GPM6B: variants seen among roughly 807,000 people sequenced by gnomAD.
GPM6B encodes glycoprotein M6B.
In GPM6B, 4 loss-of-function variants were observed where a neutral mutation model predicts 27.2. The ratio of observed to expected loss-of-function variants is 0.15; its 90% confidence interval spans 0.07 to 0.34. The LOEUF is 0.34. Among genes scored for constraint, GPM6B ranks in the 10% least tolerant of loss-of-function variants. The probability of loss-of-function intolerance (pLI) is 1.00; values close to 1 mark genes in which losing one functional copy is unlikely to be tolerated. For missense variants in GPM6B, 183 were observed against 261.9 expected (o/e 0.70, Z 2.08); for synonymous variants, 124 against 103.1 (o/e 1.20, Z -1.23).
chrX:13,843,448 G>A (rs1037742426), intron 1 of GPM6B, among the ~76,000 whole-genome samples: 1 of 111,800 alleles, frequency 8.9e-6, no homozygotes, highest in Non-Finnish European at 1.9e-5. Flanking sequence ...CATTTCTTTT[G>A]GGTATATACC....
intron 2 of GPM6B, among the ~76,000 whole-genome samples, chrX:13,802,386 A>G (rs1213559458): frequency 1.8e-5 from 2 of 111,497 alleles, no homozygotes; most frequent in African/African-American, 6.5e-5. Context: ...AGGTAAGACC[A>G]AAAGACAAAG....
chrX:13,801,544 A>G (rs1271183288), intron 2 of GPM6B, among the ~76,000 whole-genome samples: 1 of 112,288 alleles, frequency 8.9e-6, no homozygotes, highest in African/African-American at 3.2e-5. Context: ...CAGGGTGTAT[A>G]GTTGCAGCTT....
At chrX:13,810,995 A>T (rs765800503) in intron 1 of GPM6B, among the ~76,000 whole-genome samples, 32 of 112,710 alleles carry the variant, frequency 2.8e-4, no homozygotes, top group Non-Finnish European at 5.1e-4. Context: ...AATCCCAAGG[A>T]CAGGATCCCA....
At chrX:13,923,798 G>C (rs1921039841) in intron 1 of GPM6B, among the ~76,000 whole-genome samples, 1 of 112,060 alleles carries the variant, frequency 8.9e-6, no homozygotes, top group South Asian at 3.8e-4. Flanking sequence ...TGTAAACTTG[G>C]TCTTTGTAAT....
chrX:13,787,225 G>A (rs1229963464), intron 2 of GPM6B, among the ~76,000 whole-genome samples: 1 of 110,788 alleles, frequency 9.0e-6, no homozygotes, highest in Non-Finnish European at 1.9e-5. Context: ...TTTCTCTTTA[G>A]TTCATTAGAA....
In GPM6B at chrX:13,854,416, G is replaced by A. The variant is rs765048823; in HGVS notation, c.-197-68608C>T. On this transcript the variant is annotated intron_variant, in intron 1 of 6. Transcript: ENST00000398361. ...GCTGACAAGAGAAGAGATGGCTTTTGGCTTAGAACTGAGATTTAAATATAC... is the reference window on the plus strand; with the variant it reads ...GCTGACAAGAGAAGAGATGGCTTTTAGCTTAGAACTGAGATTTAAATATAC... Among the ~76,000 whole-genome samples, 18 of 111,897 alleles carry A rather than the reference G, an allele frequency of 1.6e-4. No individual in the cohort carries two copies. The South Asian group carries it at 6.4e-3, about 40-fold the overall frequency.
chrX:13,783,547 A>G, intron 3 of GPM6B, 26 bp from the exon 4 acceptor site: 2 of 1,153,882 alleles, frequency 1.7e-6, no homozygotes, highest in Non-Finnish European at 2.3e-6. Context: ...GAGATCCTGA[A>G]CCATTAAATT....
At chrX:13,894,229 C>T (rs2050212680) in intron 1 of GPM6B, among the ~76,000 whole-genome samples, 1 of 111,953 alleles carries the variant, frequency 8.9e-6, no homozygotes, top group Admixed American at 9.5e-5. Flanking sequence ...CATTTCAGTC[C>T]ACTAAGCCTT....
intron 7 of GPM6B, chrX:13,774,463 A>G (rs1569179578): frequency 8.5e-7 from 1 of 1,175,238 alleles, no homozygotes; most frequent in Non-Finnish European, 1.1e-6. Context: ...AAAATTGCAG[A>G]AACCTAGACT....
At position 13,806,833 on chromosome X, in the gene GPM6B, A is replaced by G. The variant is rs149640381; in HGVS notation, c.181+817T>C. Among the ~76,000 whole-genome samples the G allele has an allele frequency of 4.0e-3, 452 of 111,866 alleles. 2 individuals carry two copies. The highest frequency in any genetic ancestry group is 0.025 in the South Asian group (67 of 2,656). Reference sequence around the variant, plus strand: ...GCCTCTTACTGTGTTTATCCGACCTACCACCAGCCCTTTATGTCTGCATTT... The same window carrying G: ...GCCTCTTACTGTGTTTATCCGACCTGCCACCAGCCCTTTATGTCTGCATTT... On this transcript the variant is annotated intron_variant, in intron 2 of 7. Transcript: ENST00000316715.
At position 13,779,827 on chromosome X, in the gene GPM6B, G is replaced by T. The variant is rs770782854; in HGVS notation, c.688C>A (p.Arg230=). The T allele has an allele frequency of 5.1e-6, 6 of 1,166,028 alleles. No individual in the cohort carries two copies. Among genetic ancestry groups the T allele is most frequent in the African/African-American group, 1.8e-5 (1 of 56,334 alleles). The change falls in exon 5 of 8, where the codon CGA becomes AGA. Residue 230 remains arginine, a synonymous_variant. Coordinates refer to ENST00000316715, the MANE Select transcript of GPM6B (RefSeq NM_001001995.3). ...TGVEQICVDI[R]QYGIIPWNAF... is the part of the protein sequence containing the mutation. ...AATTAGAAGGAAGTACCGTATTGTC[G>T]GATATCCACACAGATCTGCTCCACA...
At chrX:13,874,424 G>A (rs1389860376) in intron 1 of GPM6B, among the ~76,000 whole-genome samples, 1 of 110,493 alleles carries the variant, frequency 9.1e-6, no homozygotes, top group African/African-American at 3.3e-5. Context: ...CAGGGTAGGC[G>A]CAGTGGCCCA....
At chrX:13,807,532 G>T (rs778295187) in intron 2 of GPM6B, 118 bp downstream of exon 2, 29 of 565,188 alleles carry the variant, frequency 5.1e-5, no homozygotes, top group Non-Finnish European at 7.5e-5. Flanking sequence ...ATGCCCGTGT[G>T]AACAAATTAA....
chrX:13,786,761 T>C (rs1334446078), intron 2 of GPM6B, among the ~76,000 whole-genome samples: 1 of 111,213 alleles, frequency 9.0e-6, no homozygotes, highest in Non-Finnish European at 1.9e-5. Context: ...AGACGAGACT[T>C]GTATTCATTT....
intron 1 of GPM6B, among the ~76,000 whole-genome samples, chrX:13,845,504 ATGAGT>A (rs751205632): frequency 4.5e-5 from 5 of 112,308 alleles, no homozygotes; most frequent in South Asian, 3.7e-4. Context: ...CTATGCAAGA[ATGAGT>A]TGAGAGTGAA....
intron 1 of GPM6B, among the ~76,000 whole-genome samples, chrX:13,856,083 A>T (rs1478531814): frequency 1.8e-5 from 2 of 111,928 alleles, no homozygotes; most frequent in Admixed American, 9.5e-5. Context: ...TAAAGTAAAG[A>T]TGAGGGGCAG....
intron 2 of GPM6B, among the ~76,000 whole-genome samples, chrX:13,790,885 C>G (rs2048700243): frequency 9.1e-6 from 1 of 109,317 alleles, no homozygotes; most frequent in East Asian, 2.9e-4. Context: ...TCCAACCACC[C>G]CCTAAAGTGC....
At position 13,915,833 on chromosome X, in the gene GPM6B, G is replaced by A. The variant is rs747938356; in HGVS notation, c.-198+22494C>T. On this transcript the variant is annotated intron_variant, in intron 1 of 6. Coordinates refer to the GPM6B transcript ENST00000398361. The stretch of plus-strand genomic sequence containing the variant: ...GTATGTACATGTATATATGTATTAC[G>A]TATATGTGTGTGTATATATCCCTTC... Among the ~76,000 whole-genome samples, 28 of 112,021 alleles carry A rather than the reference G, an allele frequency of 2.5e-4. No individual in the cohort carries two copies. In the South Asian group the frequency reaches 9.7e-3, roughly 39 times the overall value.
At chrX:13,867,369 C>T (rs2049931131) in intron 1 of GPM6B, among the ~76,000 whole-genome samples, 1 of 112,393 alleles carries the variant, frequency 8.9e-6, no homozygotes, top group Non-Finnish European at 1.9e-5. Flanking sequence ...CTCAGCCTCC[C>T]AAAGTGCTGG....
Sources: allele counts gnomAD v4.1 joint callset (sites outside exome capture counted in the v4.1 genomes callset), GRCh38; gene constraint gnomAD v4.1.1; transcripts MANE v1.5; gene names NCBI Gene and HGNC (gene_info 2026-07-23, HGNC 2026-07-21).